PRKAR2B: variants seen among roughly 807,000 people sequenced by gnomAD.
PRKAR2B encodes the protein cAMP-dependent protein kinase type II-beta regulatory subunit.
A neutral mutation model predicts 49.9 loss-of-function variants in PRKAR2B; 14 were observed. The ratio of observed to expected loss-of-function variants is 0.28; its 90% CI spans 0.19 to 0.44. The LOEUF is 0.44. Ranked by LOEUF, PRKAR2B falls within the 20% of genes least tolerant of loss-of-function variation. The pLI is 1.00. For missense variants in PRKAR2B, 393 were observed against 537.9 expected (o/e 0.73, Z 2.67); for synonymous variants, 196 against 197.7 (o/e 0.99, Z 0.07).
At chr7:107,048,114 C>T (rs1793733026) in intron 1 of PRKAR2B, among the ~76,000 whole-genome samples, 1 of 152,154 alleles carries the variant, frequency 6.6e-6, no homozygotes, top group South Asian at 2.1e-4. Context: ...TACAGGTGGA[C>T]CTGGCTTCAT....
chr7:107,049,427 G>C (rs1053520689), intron 1 of PRKAR2B, among the ~76,000 whole-genome samples: 1 of 152,132 alleles, frequency 6.6e-6, no homozygotes, highest in Non-Finnish European at 1.5e-5. Flanking sequence ...GTAATAAATA[G>C]AAATTTACCA....
chr7:107,121,485 T>C (rs1432803877), intron 2 of PRKAR2B, among the ~76,000 whole-genome samples: 1 of 152,142 alleles, frequency 6.6e-6, no homozygotes, highest in Non-Finnish European at 1.5e-5. Flanking sequence ...GAAAAAAGAC[T>C]GGAAGGAAAT....
At chr7:107,099,464 C>G (rs938634834) in intron 2 of PRKAR2B, among the ~76,000 whole-genome samples, 3 of 152,112 alleles carry the variant, frequency 2.0e-5, no homozygotes, top group African/African-American at 7.2e-5. Flanking sequence ...CTTGTGCTTC[C>G]CAGTTGAGGC....
intron 2 of PRKAR2B, among the ~76,000 whole-genome samples, chr7:107,086,356 T>C (rs902127385): frequency 4.6e-5 from 7 of 152,302 alleles, no homozygotes; most frequent in African/African-American, 1.7e-4. Context: ...GTATGGTTAA[T>C]TAATGAGATA....
At position 107,123,183 on chromosome 7, in the gene PRKAR2B, A is replaced by C. The variant is rs1384337012; in HGVS notation, c.396+1179A>C. Among the ~76,000 whole-genome samples, 3 of 152,236 alleles carry C rather than the reference A, an allele frequency of 2.0e-5. No individual in the cohort carries two copies. The East Asian group carries it at 5.8e-4, about 29-fold the overall frequency. ...CAGAGCAATCGAGATGAGCTGGTTTAAATTAATAAAAACCTAAATTAATGA... is the reference window on the plus strand; with the variant it reads ...CAGAGCAATCGAGATGAGCTGGTTTCAATTAATAAAAACCTAAATTAATGA... On this transcript the variant is annotated intron_variant, in intron 3 of 10. Coordinates refer to ENST00000265717, the MANE Select transcript of PRKAR2B (RefSeq NM_002736.3).
rs111756122 is a variant in PRKAR2B, at chr7:107,053,640, C to A, written c.307+8426C>A. 2.2e-3 allele frequency among the ~76,000 whole-genome samples: 340 copies of A among 151,578 alleles called. 2 individuals are homozygous for A. The highest frequency in any genetic ancestry group is 7.8e-3 in the African/African-American group (323 of 41,334). ...AGTTGGCAGAATACAGAGGAAAATTCTATCTTATAAAAAGGAAGTAAAACT... is the reference window on the plus strand; with the variant it reads ...AGTTGGCAGAATACAGAGGAAAATTATATCTTATAAAAAGGAAGTAAAACT... On this transcript the variant is annotated intron_variant, in intron 1 of 10. Transcript: ENST00000265717.
chr7:107,139,709 G>A (rs1258498721), intron 4 of PRKAR2B, among the ~76,000 whole-genome samples: 1 of 152,116 alleles, frequency 6.6e-6, no homozygotes, highest in Non-Finnish European at 1.5e-5. Context: ...GTCCCTTCCT[G>A]TACTCTATAC....
chr7:107,138,154 G>A (rs1012100066), intron 4 of PRKAR2B, among the ~76,000 whole-genome samples: 4 of 151,908 alleles, frequency 2.6e-5, no homozygotes, highest in East Asian at 1.9e-4. Flanking sequence ...TAAAAAAATT[G>A]TAATGGTGGA....
rs1359266181 is a variant in PRKAR2B, at chr7:107,146,323, T to A, written c.603T>A (p.Ile201=). The change falls in exon 6 of 11, where the codon ATT becomes ATA. Residue 201 remains isoleucine, a synonymous_variant. Coordinates refer to ENST00000265717, the MANE Select transcript of PRKAR2B (RefSeq NM_002736.3). ...TGTCCAACAGAGGCACATTTGATAT[T>A]TATGTGAAATGTGATGGTGTTGGAA... is the stretch of plus-strand genomic sequence containing the variant. ...FYVIDRGTFD[I]YVKCDGVGRC... The A allele has an allele frequency of 1.2e-6, 2 of 1,614,002 alleles. No homozygotes were observed. Among genetic ancestry groups the A allele is most frequent in the Non-Finnish European group, 1.7e-6 (2 of 1,179,926 alleles).
chr7:107,079,681 C>T (rs1232984119), intron 2 of PRKAR2B, among the ~76,000 whole-genome samples: 2 of 152,112 alleles, frequency 1.3e-5, no homozygotes, highest in Non-Finnish European at 2.9e-5. Context: ...AGCTTCCTTC[C>T]TCTCTCCCTC....
intron 6 of PRKAR2B, 135 bp from the exon 7 acceptor site, chr7:107,150,787 A>G: frequency 1.9e-6 from 1 of 525,534 alleles, no homozygotes; most frequent in Non-Finnish European, 3.4e-6. Flanking sequence ...ATATGAAATG[A>G]GTTGCATTAA....
intron 2 of PRKAR2B, among the ~76,000 whole-genome samples, chr7:107,075,379 G>GCA (rs1794377070): frequency 6.6e-6 from 1 of 150,988 alleles, no homozygotes; most frequent in Non-Finnish European, 1.5e-5. Flanking sequence ...GGGATTATAG[G>GCA]TGTAAGCCAC....
At chr7:107,153,937 T>G (rs1364977276) in intron 8 of PRKAR2B, among the ~76,000 whole-genome samples, 1 of 152,222 alleles carries the variant, frequency 6.6e-6, no homozygotes, top group Non-Finnish European at 1.5e-5. Context: ...CTTATACTGT[T>G]TTGTGCTCTT....
At chr7:107,142,115 C>T (rs1300303160) in intron 5 of PRKAR2B, among the ~76,000 whole-genome samples, 1 of 152,168 alleles carries the variant, frequency 6.6e-6, no homozygotes, top group African/African-American at 2.4e-5. Flanking sequence ...GCCTGACTTA[C>T]TGGGTTACGT....
At chr7:107,154,199 AT>A (rs951450358) in intron 8 of PRKAR2B, among the ~76,000 whole-genome samples, 1 of 152,144 alleles carries the variant, frequency 6.6e-6, no homozygotes, top group African/African-American at 2.4e-5. Context: ...GTTTTAAATG[AT>A]TTTTTAAGGT....
At chr7:107,134,186 G>A (rs928522834) in intron 4 of PRKAR2B, among the ~76,000 whole-genome samples, 4 of 152,034 alleles carry the variant, frequency 2.6e-5, no homozygotes, top group Admixed American at 2.6e-4. Context: ...GCACCACCAT[G>A]GCCAGCTAAT....
intron 2 of PRKAR2B, among the ~76,000 whole-genome samples, chr7:107,107,939 A>C (rs894982817): frequency 3.9e-4 from 56 of 144,922 alleles, no homozygotes; most frequent in Admixed American, 2.3e-3. Context: ...TACAGGCGTG[A>C]GATGCTGTGC....
At chr7:107,112,401 A>T (rs1795193842) in intron 2 of PRKAR2B, among the ~76,000 whole-genome samples, 1 of 152,004 alleles carries the variant, frequency 6.6e-6, no homozygotes, top group Non-Finnish European at 1.5e-5. Context: ...ACAAATCTTG[A>T]TTTAAGTCTT....
At chr7:107,099,669 C>T (rs544752014) in intron 2 of PRKAR2B, among the ~76,000 whole-genome samples, 1 of 148,420 alleles carries the variant, frequency 6.7e-6, no homozygotes, top group East Asian at 2.0e-4. Context: ...GACGGAGTCT[C>T]ACTCTGTTGC....
Sources: allele counts gnomAD v4.1 joint callset (sites outside exome capture counted in the v4.1 genomes callset), GRCh38; gene constraint gnomAD v4.1.1; transcripts MANE v1.5; gene names NCBI Gene and HGNC (gene_info 2026-07-23, HGNC 2026-07-21).